CTNNA2: variants seen among roughly 807,000 people sequenced by gnomAD.
CTNNA2 encodes catenin alpha-2.
A neutral mutation model predicts 101.0 loss-of-function variants in CTNNA2; 42 were observed. The observed-to-expected ratio is 0.42, with a 90% CI of 0.32 to 0.54. The LOEUF (loss-of-function observed/expected upper bound fraction) is 0.54. Ranked by LOEUF, CTNNA2 falls within the 20% of genes least tolerant of loss-of-function variation. CTNNA2 has a pLI of 0.14. For synonymous variants in CTNNA2, 450 were observed against 456.4 expected, an observed-to-expected ratio of 0.99 and a Z score of 0.18; for missense variants, 871 against 1,223.1, an observed-to-expected ratio of 0.71 and a Z score of 4.29.
intron 4 of CTNNA2, among the ~76,000 whole-genome samples, chr2:79,486,783 G>T (rs1404315951): frequency 6.6e-6 from 1 of 152,094 alleles, no homozygotes; most frequent in Non-Finnish European, 1.5e-5. Context: ...GGTGTGAGAT[G>T]GTATCTCATT....
chr2:79,390,209 T>C (rs1243123866), intron 4 of CTNNA2, among the ~76,000 whole-genome samples: 6 of 152,190 alleles, frequency 3.9e-5, no homozygotes, highest in Non-Finnish European at 8.8e-5. Flanking sequence ...TGCATTTCTC[T>C]TCCCATGTTT....
In CTNNA2 at chr2:79,338,178, G is replaced by A. The variant is rs138886739; in HGVS notation, c.-318+25382G>A. 3.0e-3 allele frequency among the ~76,000 whole-genome samples: 451 copies of A among 148,172 alleles called. 1 individual carries two copies. Among genetic ancestry groups the A allele is most frequent in the African/African-American group, 0.01 (418 of 40,420 alleles). On this transcript the variant is annotated intron_variant, in intron 3 of 21. Coordinates refer to the CTNNA2 transcript ENST00000466387. ...GGAGAATCGCTTGAACTTGGGAGAC[G>A]GAGGTTGCAGTGAGCCAAGATCGTG...
In CTNNA2 at chr2:80,263,902, C is replaced by T. The variant is rs185043787; in HGVS notation, c.1057-129309C>T. Reference sequence around the variant, plus strand: ...GAATATTGTAACTTTATGTGGAGACCTTTTGAAAGCAATGCATTATTGCAT... The same window carrying T: ...GAATATTGTAACTTTATGTGGAGACTTTTTGAAAGCAATGCATTATTGCAT... On this transcript the variant is annotated intron_variant, in intron 7 of 18. Coordinates refer to ENST00000402739, the MANE Select transcript of CTNNA2 (RefSeq NM_001282597.3). Among the ~76,000 whole-genome samples the T allele has an allele frequency of 5.3e-3, 809 of 152,262 alleles. 8 individuals are homozygous for T. Among genetic ancestry groups the T allele is most frequent in the Non-Finnish European group, 8.1e-3 (549 of 68,016 alleles).
chr2:80,097,216 T>C (rs1051739195), intron 7 of CTNNA2, among the ~76,000 whole-genome samples: 1 of 152,150 alleles, frequency 6.6e-6, no homozygotes, highest in Non-Finnish European at 1.5e-5. Context: ...TGACAAAATC[T>C]CTCAGCATTT....
At chr2:80,170,467 T>G (rs1428415015) in intron 7 of CTNNA2, among the ~76,000 whole-genome samples, 1 of 152,142 alleles carries the variant, frequency 6.6e-6, no homozygotes, top group Non-Finnish European at 1.5e-5. Flanking sequence ...TTGGCCTGGG[T>G]GTACTCAGCC....
chr2:80,013,155 G>A (rs1040718538), intron 7 of CTNNA2, among the ~76,000 whole-genome samples: 2 of 152,052 alleles, frequency 1.3e-5, no homozygotes, highest in Non-Finnish European at 2.9e-5. Context: ...GACAGAGCAA[G>A]ATCTTGCCTA....
intron 7 of CTNNA2, among the ~76,000 whole-genome samples, chr2:80,349,125 A>G (rs1204298232): frequency 3.3e-5 from 5 of 152,156 alleles, no homozygotes; most frequent in Admixed American, 3.3e-4. Flanking sequence ...AGCTTCCAGA[A>G]CATGCCATCT....
chr2:79,463,895 A>C (rs1652685), intron 4 of CTNNA2, among the ~76,000 whole-genome samples: 1 of 151,906 alleles, frequency 6.6e-6, no homozygotes. Flanking sequence ...ATGGTAGAAA[A>C]GGAAACATTC....
intron 9 of CTNNA2, among the ~76,000 whole-genome samples, chr2:80,506,283 C>T (rs1006982535): frequency 2.0e-5 from 3 of 152,032 alleles, no homozygotes; most frequent in Admixed American, 6.6e-5. Flanking sequence ...ACTCGTTAAA[C>T]GATTGGTAGA....
At chr2:79,863,932 G>A (rs943822170) in intron 4 of CTNNA2, among the ~76,000 whole-genome samples, 5 of 152,166 alleles carry the variant, frequency 3.3e-5, no homozygotes, top group Admixed American at 1.3e-4. Context: ...GCACAGCGGG[G>A]CATACTGAGG....
At chr2:79,287,819 G>A (rs1036438753) in intron 2 of CTNNA2, among the ~76,000 whole-genome samples, 1 of 152,194 alleles carries the variant, frequency 6.6e-6, no homozygotes, top group Non-Finnish European at 1.5e-5. Context: ...AAGCAAGCCT[G>A]GGCAATGGCG....
intron 4 of CTNNA2, among the ~76,000 whole-genome samples, chr2:79,472,785 A>G (rs1197032034): frequency 6.6e-6 from 1 of 152,162 alleles, no homozygotes; most frequent in Non-Finnish European, 1.5e-5. Flanking sequence ...TTTTTGCTTA[A>G]TAATTTTACC....
chr2:79,594,507 C>T (rs575588170), intron 1 of CTNNA2, among the ~76,000 whole-genome samples: 22 of 152,216 alleles, frequency 1.4e-4, no homozygotes, highest in Non-Finnish European at 2.5e-4. Context: ...GTTAGAATAG[C>T]GCTTGGCACA....
In CTNNA2 at chr2:79,684,680, T is replaced by A. The variant is rs116135052; in HGVS notation, c.102+33022T>A. 9.1e-3 allele frequency among the ~76,000 whole-genome samples: 1,385 copies of A among 152,334 alleles called. 25 individuals are homozygous for A. The highest frequency in any genetic ancestry group is 0.032 in the African/African-American group (1,332 of 41,568). ...AAAAAAATGGTAATAGCAACACCTG[T>A]AACATGTAGAATAATTGTTTTGGAG... is the stretch of plus-strand genomic sequence containing the variant. On this transcript the variant is annotated intron_variant, in intron 2 of 18. Coordinates refer to ENST00000402739, the MANE Select transcript of CTNNA2 (RefSeq NM_001282597.3).
intron 7 of CTNNA2, among the ~76,000 whole-genome samples, chr2:80,000,515 C>A (rs1434224730): frequency 6.6e-6 from 1 of 152,150 alleles, no homozygotes; most frequent in East Asian, 1.9e-4. Context: ...TCTTTCTCTG[C>A]AATTTCTGAT....
chr2:79,524,588 A>G (rs1672299866), intron 1 of CTNNA2: 2 of 151,750 alleles, frequency 1.3e-5, no homozygotes, highest in Non-Finnish European at 2.9e-5. Context: ...TATTTACATG[A>G]AAATGATAAC....
intron 4 of CTNNA2, among the ~76,000 whole-genome samples, chr2:79,865,000 C>G (rs1681923065): frequency 6.6e-6 from 1 of 152,128 alleles, no homozygotes; most frequent in Admixed American, 6.5e-5. Context: ...CTCAATGACA[C>G]TGGTGTCATT....
At chr2:80,071,323 C>T (rs1698326767) in intron 7 of CTNNA2, among the ~76,000 whole-genome samples, 1 of 152,172 alleles carries the variant, frequency 6.6e-6, no homozygotes, top group Non-Finnish European at 1.5e-5. Flanking sequence ...AATATACCTC[C>T]TCCCTATTCC....
chr2:79,461,414 C>T (rs1013527402), intron 4 of CTNNA2, among the ~76,000 whole-genome samples: 5 of 152,170 alleles, frequency 3.3e-5, no homozygotes, highest in Non-Finnish European at 5.9e-5. Context: ...TATGATGCTG[C>T]AGAATCTCAC....
Sources: gnomAD v4.1 joint callset for allele counts (sites outside exome capture counted in the v4.1 genomes callset) on GRCh38, gnomAD v4.1.1 for gene constraint, MANE v1.5 for transcripts, NCBI Gene and HGNC (gene_info 2026-07-23, HGNC 2026-07-21) for gene names.